ATG10: variants seen among roughly 807,000 people sequenced by gnomAD.
ATG10 encodes the protein ubiquitin-like-conjugating enzyme ATG10.
A neutral mutation model predicts 32.1 loss-of-function variants in ATG10; 30 were observed. The observed-to-expected ratio is 0.94, with a 90% confidence interval of 0.70 to 1.27. The LOEUF (loss-of-function observed/expected upper bound fraction) is 1.27, where lower values mean the gene tolerates loss of function less well. Among genes scored for constraint, ATG10 ranks in the 50% most tolerant of loss-of-function variants. ATG10 has a pLI of 0.00. For synonymous variants in ATG10, 87 were observed against 91.5 expected, an observed-to-expected ratio of 0.95 and a Z score of 0.28; for missense variants, 233 against 262.3, an observed-to-expected ratio of 0.89 and a Z score of 0.77.
At chr5:82,109,269 A>G (rs760170419) in intron 3 of ATG10, among the ~76,000 whole-genome samples, 8 of 152,060 alleles carry the variant, frequency 5.3e-5, no homozygotes, top group Non-Finnish European at 1.0e-4. Context: ...CGCAGAATCA[A>G]CTGTTGTAGG....
intron 2 of ATG10, among the ~76,000 whole-genome samples, chr5:82,026,958 C>A (rs1762610168): frequency 6.6e-6 from 1 of 151,914 alleles, no homozygotes; most frequent in South Asian, 2.1e-4. Flanking sequence ...ACTCGAGAGG[C>A]TGAGGCAGGA....
intron 4 of ATG10, among the ~76,000 whole-genome samples, chr5:82,168,069 G>T (rs1743651286): frequency 6.7e-6 from 1 of 148,954 alleles, no homozygotes; most frequent in Non-Finnish European, 1.5e-5. Flanking sequence ...AGTGCATGCT[G>T]TTTTTTTTTT....
chr5:81,987,763 A>T, intron 2 of ATG10, 85 bp downstream of exon 2: 3 of 945,196 alleles, frequency 3.2e-6, no homozygotes, highest in Non-Finnish European at 4.9e-6. Context: ...TAAAACCTCC[A>T]TAATTGAAAT....
chr5:82,068,944 T>C (rs1156811177), intron 3 of ATG10, among the ~76,000 whole-genome samples: 1 of 150,526 alleles, frequency 6.6e-6, no homozygotes, highest in Non-Finnish European at 1.5e-5. Context: ...TTGAAGCCAG[T>C]AGAAACTCCA....
At chr5:82,216,867 C>A (rs779241750) in intron 5 of ATG10, among the ~76,000 whole-genome samples, 6 of 151,974 alleles carry the variant, frequency 3.9e-5, no homozygotes, top group African/African-American at 7.3e-5. Context: ...CCAGCCTGGA[C>A]AATATGGTGA....
intron 2 of ATG10, among the ~76,000 whole-genome samples, chr5:81,993,422 T>TCTTTCCTTTCCTTTC (rs1561244476): frequency 1.4e-5 from 2 of 142,546 alleles, no homozygotes; most frequent in East Asian, 4.1e-4. Context: ...TCTTTTCTTT[T>TCTTTCCTTTCCTTTC]CTTTCCTTCT....
chr5:82,164,306 A>T, intron 3 of ATG10, 93 bp from the exon 4 acceptor site: 1 of 1,259,656 alleles, frequency 7.9e-7, no homozygotes, highest in Non-Finnish European at 1.1e-6. Context: ...TTTAACTGTT[A>T]TTTTGTGAGA....
At chr5:82,200,969 C>T (rs1745049631) in intron 5 of ATG10, among the ~76,000 whole-genome samples, 1 of 151,798 alleles carries the variant, frequency 6.6e-6, no homozygotes, top group Non-Finnish European at 1.5e-5. Flanking sequence ...ACTGCAACCT[C>T]TGCTCCCCGG....
At chr5:82,066,466 TAG>T in intron 3 of ATG10, among the ~76,000 whole-genome samples, 1 of 152,266 alleles carries the variant, frequency 6.6e-6, no homozygotes, top group African/African-American at 2.4e-5. Context: ...ATGAAAATGA[TAG>T]AGTCATAAAA....
chr5:82,018,383 A>G lies in ATG10; in HGVS notation c.108+30705A>G, dbSNP rs533042759. Among the ~76,000 whole-genome samples the G allele has an allele frequency of 5.3e-5, 8 of 151,902 alleles. 1 individual carries two copies. The highest frequency in any genetic ancestry group is 1.9e-4 in the East Asian group (1 of 5,164). Reference sequence around the variant, plus strand: ...ACCACCCTGGTATAAACTATCGTCAACTCTTACTAGGATTACCTTCCTAAT... The same window carrying G: ...ACCACCCTGGTATAAACTATCGTCAGCTCTTACTAGGATTACCTTCCTAAT... On this transcript the variant is annotated intron_variant, in intron 2 of 7. Coordinates refer to ENST00000282185, the MANE Select transcript of ATG10 (RefSeq NM_031482.5).
intron 5 of ATG10, among the ~76,000 whole-genome samples, chr5:82,208,016 A>G (rs995884169): frequency 1.8e-4 from 27 of 152,300 alleles, no homozygotes; most frequent in African/African-American, 6.3e-4. Context: ...TATGAGATAC[A>G]AGTCATATTT....
At chr5:82,213,821 A>G (rs143640946) in intron 5 of ATG10, among the ~76,000 whole-genome samples, 119 of 152,318 alleles carry the variant, frequency 7.8e-4, no homozygotes, top group Non-Finnish European at 1.3e-3. Flanking sequence ...GGATGATGCT[A>G]TGGGAGCACT....
At chr5:82,220,954 C>T (rs146436114) in intron 5 of ATG10, among the ~76,000 whole-genome samples, 1,675 of 152,164 alleles carry the variant, frequency 0.011, 18 homozygotes, top group Middle Eastern at 0.1. Context: ...GATGGGGTTT[C>T]ACCATATTGG....
intron 5 of ATG10, among the ~76,000 whole-genome samples, chr5:82,202,833 A>G (rs888735652): frequency 1.5e-4 from 23 of 152,348 alleles, no homozygotes; most frequent in African/African-American, 5.5e-4. Flanking sequence ...CTGGCCTGAA[A>G]CACGTTTCTC....
At chr5:82,070,581 T>G (rs984892804) in intron 3 of ATG10, among the ~76,000 whole-genome samples, 3 of 152,156 alleles carry the variant, frequency 2.0e-5, no homozygotes, top group South Asian at 2.1e-4. Context: ...CTTTGTATAT[T>G]CTTTTTGTCT....
chr5:82,237,972 A>G (rs1294050024), intron 5 of ATG10, among the ~76,000 whole-genome samples: 1 of 152,250 alleles, frequency 6.6e-6, no homozygotes, highest in Non-Finnish European at 1.5e-5. Flanking sequence ...TACAGCAAGC[A>G]TTAGATCTGC....
chr5:82,247,047 ACT>A (rs1747065158), intron 5 of ATG10, among the ~76,000 whole-genome samples: 1 of 150,836 alleles, frequency 6.6e-6, no homozygotes, highest in African/African-American at 2.4e-5. Context: ...GTCCTAAAGG[ACT>A]CTCTTGCTGT....
intron 3 of ATG10, among the ~76,000 whole-genome samples, chr5:82,060,444 A>G (rs574964783): frequency 1.3e-5 from 2 of 152,358 alleles, no homozygotes; most frequent in South Asian, 4.1e-4. Context: ...GCCCTTATTT[A>G]TAATAGGAAA....
chr5:82,047,517 T>A (rs1763268646), intron 2 of ATG10, among the ~76,000 whole-genome samples: 1 of 152,220 alleles, frequency 6.6e-6, no homozygotes, highest in Non-Finnish European at 1.5e-5. Context: ...TTTAAAAACT[T>A]GCGTTTGATA....
Sources: gnomAD v4.1 joint callset for allele counts (sites outside exome capture counted in the v4.1 genomes callset) on GRCh38, gnomAD v4.1.1 for gene constraint, MANE v1.5 for transcripts, NCBI Gene and HGNC (gene_info 2026-07-23, HGNC 2026-07-21) for gene names.